Variants in RGS7BP observed in about 807,000 individuals in gnomAD.
RGS7BP encodes regulator of G protein signaling 7-binding protein.
In RGS7BP, 9 loss-of-function variants were observed where a neutral mutation model predicts 31.3. That is an observed-to-expected ratio of 0.29 (90% confidence interval 0.17 to 0.50). RGS7BP has a LOEUF of 0.50. RGS7BP is among the 20% of genes least tolerant of loss of function. The pLI is 0.98. For missense variants in RGS7BP, 274 were observed against 322.0 expected (o/e 0.85, Z 1.14); for synonymous variants, 115 against 120.1 (o/e 0.96, Z 0.28).
intron 3 of RGS7BP, among the ~76,000 whole-genome samples, chr5:64,589,319 A>T (rs1035684777): frequency 1.3e-5 from 2 of 151,964 alleles, no homozygotes; most frequent in Non-Finnish European, 2.9e-5. Context: ...AAAAAAAGTT[A>T]CAGAGGGGAA....
At chr5:64,527,088 C>G (rs932704552) in intron 2 of RGS7BP, among the ~76,000 whole-genome samples, 1 of 152,212 alleles carries the variant, frequency 6.6e-6, no homozygotes, top group Non-Finnish European at 1.5e-5. Context: ...GAGTAACATA[C>G]TCGGGTCCAG....
At chr5:64,526,575 A>G (rs182713690) in intron 2 of RGS7BP, among the ~76,000 whole-genome samples, 108 of 152,182 alleles carry the variant, frequency 7.1e-4, no homozygotes, top group African/African-American at 2.5e-3. Flanking sequence ...ACCTATTTCC[A>G]ACTTCCCTGC....
At position 64,506,942 on chromosome 5, in the gene RGS7BP, C is replaced by A. The variant is rs1363948764; in HGVS notation, c.165+153C>A. On this transcript the variant is annotated intron_variant, in intron 1 of 5. Transcript: ENST00000334025. This position sits in a 1 kb window ranked among gnomAD's most constrained non-coding sequence, Gnocchi z 4.6. ...GGCACATGCACTATTTTTAAATCTG[C>A]AGTCCCCCAAATTCAGGGTGACACC... is the stretch of plus-strand genomic sequence containing the variant. Among the ~76,000 whole-genome samples, 2 of 152,072 alleles carry A rather than the reference C, an allele frequency of 1.3e-5. No individual in the cohort carries two copies. The highest frequency in any genetic ancestry group is 6.5e-5 in the Admixed American group (1 of 15,278).
intron 2 of RGS7BP, among the ~76,000 whole-genome samples, chr5:64,538,284 C>A (rs1034119590): frequency 1.3e-5 from 2 of 151,808 alleles, no homozygotes; most frequent in African/African-American, 4.8e-5. Context: ...AGTTGTATAA[C>A]CACTACCAAC....
chr5:64,580,503 T>C (rs1406079269), intron 3 of RGS7BP, among the ~76,000 whole-genome samples: 1 of 152,068 alleles, frequency 6.6e-6, no homozygotes, highest in Non-Finnish European at 1.5e-5. Flanking sequence ...GGCAAGGTGG[T>C]GGAGGTAGCA....
intron 2 of RGS7BP, among the ~76,000 whole-genome samples, chr5:64,523,457 A>G (rs1314897366): frequency 6.6e-6 from 1 of 152,256 alleles, no homozygotes; most frequent in Non-Finnish European, 1.5e-5. Flanking sequence ...GCTCTCAGCC[A>G]TTAGTGTCTA....
chr5:64,512,112 G>T (rs1007891723), intron 2 of RGS7BP, among the ~76,000 whole-genome samples: 1 of 152,196 alleles, frequency 6.6e-6, no homozygotes, highest in Admixed American at 6.5e-5. Flanking sequence ...TGGCTGGGGG[G>T]CTGGTGGTCA....
intron 5 of RGS7BP, among the ~76,000 whole-genome samples, chr5:64,603,841 A>G (rs531355868): frequency 1.3e-5 from 2 of 152,264 alleles, no homozygotes; most frequent in East Asian, 3.9e-4. Context: ...ATGGGATTGG[A>G]TGCAGATGAT....
intron 2 of RGS7BP, among the ~76,000 whole-genome samples, chr5:64,536,017 G>C (rs1045056919): frequency 6.6e-6 from 1 of 152,188 alleles, no homozygotes; most frequent in African/African-American, 2.4e-5. Context: ...GCCAATTTAA[G>C]TCTGTATTTT....
intron 2 of RGS7BP, among the ~76,000 whole-genome samples, chr5:64,554,936 A>G (rs1023554322): frequency 2.6e-5 from 4 of 152,044 alleles, no homozygotes; most frequent in Non-Finnish European, 5.9e-5. Context: ...CCTAATGGGT[A>G]TATTATATAC....
intron 2 of RGS7BP, among the ~76,000 whole-genome samples, chr5:64,516,190 A>G (rs1396138584): frequency 6.6e-6 from 1 of 152,232 alleles, no homozygotes; most frequent in African/African-American, 2.4e-5. Context: ...GTAGATACAC[A>G]GTGAACTAAT....
At chr5:64,575,600 C>A (rs1742398022) in intron 2 of RGS7BP, 174 bp from the exon 3 acceptor site, 2 of 1,217,770 alleles carry the variant, frequency 1.6e-6, no homozygotes, top group South Asian at 2.8e-5. Flanking sequence ...CAGAAAGAGA[C>A]TTACATAAGA....
intron 2 of RGS7BP, among the ~76,000 whole-genome samples, chr5:64,534,140 A>G (rs551715100): frequency 6.6e-6 from 1 of 152,256 alleles, no homozygotes; most frequent in East Asian, 1.9e-4. Context: ...TCTGAATGGT[A>G]AAGGAGCCAG....
chr5:64,594,956 C>A, intron 4 of RGS7BP, 99 bp downstream of exon 4: 1 of 1,305,154 alleles, frequency 7.7e-7, no homozygotes, highest in Non-Finnish European at 1.1e-6. Flanking sequence ...GATTCAGAAA[C>A]AGAGCTTTCT....
intron 3 of RGS7BP, 23 bp from the exon 4 acceptor site, chr5:64,594,687 T>C: frequency 2.5e-6 from 4 of 1,613,246 alleles, no homozygotes; most frequent in Non-Finnish European, 3.4e-6. Context: ...CTCTTCTCTT[T>C]ACCAACACCC....
chr5:64,520,783 G>T (rs545943551), intron 2 of RGS7BP, among the ~76,000 whole-genome samples: 2 of 152,322 alleles, frequency 1.3e-5, no homozygotes, highest in African/African-American at 4.8e-5. Flanking sequence ...ACCCCAATGA[G>T]CACAGGGGGT....
chr5:64,546,928 ATCAACCTCAACCCCAAGAGGAAT>A (rs1741672566), intron 2 of RGS7BP, among the ~76,000 whole-genome samples: 1 of 152,178 alleles, frequency 6.6e-6, no homozygotes, highest in African/African-American at 2.4e-5. Flanking sequence ...GCCCCTTCTC[ATCAACCTCAACCCCAAGAGGAAT>A]TCAACCTCAA....
chr5:64,547,432 A>T (rs1190470916), intron 2 of RGS7BP, among the ~76,000 whole-genome samples: 1 of 152,194 alleles, frequency 6.6e-6, no homozygotes, highest in Non-Finnish European at 1.5e-5. Context: ...GACATTTTGA[A>T]ATTCAGGTTT....
intron 2 of RGS7BP, among the ~76,000 whole-genome samples, chr5:64,575,017 A>G (rs1482927664): frequency 6.6e-6 from 1 of 152,098 alleles, no homozygotes; most frequent in Non-Finnish European, 1.5e-5. Context: ...ATAAAGTATT[A>G]TTTTATCAAC....
Sources: gnomAD v4.1 joint callset for allele counts (sites outside exome capture counted in the v4.1 genomes callset) on GRCh38, gnomAD v4.1.1 for gene constraint, Gnocchi (gnomAD v3.1) non-coding constraint, MANE v1.5 for transcripts, NCBI Gene and HGNC (gene_info 2026-07-23, HGNC 2026-07-21) for gene names.